The following REL variants were observed in gnomAD, a reference collection of about 807,000 sequenced individuals.
The protein encoded by REL is proto-oncogene c-Rel.
A neutral mutation model predicts 45.9 loss-of-function variants in REL; 15 were observed. The ratio of observed to expected loss-of-function variants is 0.33; its 90% CI spans 0.22 to 0.50. The LOEUF (loss-of-function observed/expected upper bound fraction) is 0.50. Among genes scored for constraint, REL ranks in the 20% least tolerant of loss-of-function variants. The pLI is 0.98. For missense variants in REL, 601 were observed against 715.2 expected, an observed-to-expected ratio of 0.84 and a Z score of 1.82; for synonymous variants, 239 against 242.1, an observed-to-expected ratio of 0.99 and a Z score of 0.12.
chr2:60,911,319 A>T (rs1010803139), intron 4 of REL: 1 of 152,266 alleles, frequency 6.6e-6, no homozygotes, highest in African/African-American at 2.4e-5. Flanking sequence ...GTGCATTGGC[A>T]GTATAGCCAA....
rs1293228954 is a variant in REL, at chr2:60,930,630, T to C, written c.*8095T>C. ...TCATGTCTGTAATGTTTTTCATGCA[T>C]GCAAAAAGCACAGACAAAACCACTC... On this transcript the variant is annotated 3_prime_UTR_variant, in exon 10 of 10. Coordinates refer to ENST00000394479, the MANE Select transcript of REL (RefSeq NM_001291746.2). 1.3e-5 allele frequency: 2 copies of C among 152,188 alleles called. No individual in the cohort carries two copies. The highest frequency in any genetic ancestry group is 4.8e-5 in the African/African-American group (2 of 41,442). 9.4% of individuals were successfully genotyped at this position (152,188 alleles called of 1,614,324 possible).
chr2:60,906,962 C>G (rs1673678918), intron 4 of REL, among the ~76,000 whole-genome samples: 1 of 147,798 alleles, frequency 6.8e-6, no homozygotes, highest in African/African-American at 2.5e-5. Context: ...TCTTGTTGCC[C>G]AGGCTGGAGT....
At chr2:60,910,481 A>G (rs907303676) in intron 4 of REL, among the ~76,000 whole-genome samples, 4 of 6,156 alleles carry the variant, frequency 6.5e-4, no homozygotes, top group African/African-American at 3.1e-3. Flanking sequence ...AAAACAAAAA[A>G]CAAAAAAAAA....
rs1326449959 is a variant in REL at position 60,920,289 on chromosome 2, C to T, written c.922+180C>T. On this transcript the variant is annotated intron_variant, in intron 8 of 9. Transcript: ENST00000394479. ...CAATCTCAACTCACTGCAACCTCTG[C>T]CCCCCAGGTTCAACAATTCTCCTGC... The T allele has an allele frequency of 9.6e-6, 6 of 622,700 alleles. No homozygotes were observed. In the Admixed American group the frequency reaches 1.5e-4, roughly 16 times the overall value. The allele number at this position is 622,700 out of a possible 1,614,324, so 38.6% of individuals were successfully genotyped here. A position where few individuals can be genotyped will look rare whatever the true frequency, so the allele number is the denominator to read the frequency against.
chr2:60,884,827 T>A (rs1319394651), intron 1 of REL, among the ~76,000 whole-genome samples: 1 of 152,170 alleles, frequency 6.6e-6, no homozygotes, highest in Non-Finnish European at 1.5e-5. Flanking sequence ...ACCAACTATT[T>A]GTAGTGTGAA....
rs1344726631 is a variant in REL, at chr2:60,898,532, C to T, written c.303-2460C>T. 2.0e-5 allele frequency among the ~76,000 whole-genome samples: 3 copies of T among 152,182 alleles called. No individual in the cohort carries two copies. The East Asian group carries it at 5.8e-4, about 29-fold the overall frequency. On this transcript the variant is annotated intron_variant, in intron 3 of 9. Transcript: ENST00000394479. The stretch of plus-strand genomic sequence containing the variant: ...CCCATAACATCATGTATACCTCCTT[C>T]ATAAAACTTGTTATGATTGCAGTTT...
chr2:60,900,915 G>A, intron 3 of REL, 77 bp from the exon 4 acceptor site: 1 of 1,197,374 alleles, frequency 8.4e-7, no homozygotes, highest in Non-Finnish European at 1.2e-6. Context: ...GATAACTTCA[G>A]TATTGCTATA....
At chr2:60,888,389 C>A (rs1673122347) in intron 1 of REL, among the ~76,000 whole-genome samples, 1 of 151,966 alleles carries the variant, frequency 6.6e-6, no homozygotes, top group African/African-American at 2.4e-5. Flanking sequence ...GCCTTTACTT[C>A]AGCCACATAA....
chr2:60,909,657 C>G (rs990147300), intron 4 of REL, among the ~76,000 whole-genome samples: 2 of 152,168 alleles, frequency 1.3e-5, no homozygotes, highest in Admixed American at 1.3e-4. Context: ...AATCCCAGCA[C>G]TTTGGGAGGC....
At chr2:60,898,127 A>G (rs1186891086) in intron 3 of REL, among the ~76,000 whole-genome samples, 1 of 152,168 alleles carries the variant, frequency 6.6e-6, no homozygotes, top group Non-Finnish European at 1.5e-5. Flanking sequence ...ACTATAGCCT[A>G]AACTGGGGCT....
chr2:60,922,240 C>G lies in REL; in HGVS notation c.1469C>G (p.Pro490Arg). 2 of 1,614,100 alleles carry G rather than the reference C, an allele frequency of 1.2e-6. No homozygotes were observed. The highest frequency in any genetic ancestry group is 1.7e-6 in the Non-Finnish European group (2 of 1,180,030). The change falls in exon 10 of 10, where the codon CCC (proline) becomes CGC (arginine). Residue 490 changes from proline to arginine, a missense_variant. Around this residue, in one of 4 missense-constraint regions of REL, gnomAD observed 334 missense variants for 333.1 expected, o/e 1.00. Coordinates refer to ENST00000394479, the MANE Select transcript of REL (RefSeq NM_001291746.2). The stretch of plus-strand genomic sequence containing the variant: ...CTTCTGAGCATGAATCTTGAAAACC[C>G]CTCATGTAATTCAGTGTTAGACCCA... The part of the protein sequence containing the change: ...PRLLSMNLEN[P>R]SCNSVLDPRD...
In REL at chr2:60,922,504, A is replaced by G; in HGVS notation, c.1733A>G (p.Asp578Gly). 1 of 1,603,242 alleles carries G rather than the reference A, an allele frequency of 6.2e-7. No homozygotes were observed. Among genetic ancestry groups the G allele is most frequent in the Non-Finnish European group, 8.5e-7 (1 of 1,174,862 alleles). The part of the protein sequence containing the change: ...IGSMQNEQLS[D>G]SFPYEFFQV ...AGTATGCAAAATGAGCAATTGAGTGACTCCTTTCCATATGAATTTTTTCAA... is the reference window on the plus strand; with the variant it reads ...AGTATGCAAAATGAGCAATTGAGTGGCTCCTTTCCATATGAATTTTTTCAA... Residue 578 changes from aspartate (D) to glycine (G), a missense_variant, in exon 10 of 10, where the codon GAC becomes GGC. Asp to Gly is a moderately conservative substitution (Grantham distance 94). Transcript: ENST00000394479.
chr2:60,920,128 G>A lies in REL; in HGVS notation c.922+19G>A, dbSNP rs1362784715. The stretch of plus-strand genomic sequence containing the variant: ...GATCACGGTAAGAATAGTTTGGATC[G>A]ATTCATATTTAAATAGGTTTTGTTT... On this transcript the variant is annotated intron_variant, in intron 8 of 9. Transcript: ENST00000394479. 7.2e-6 allele frequency: 11 copies of A among 1,530,672 alleles called. No homozygotes were observed. The highest frequency in any genetic ancestry group is 2.8e-5 in the African/African-American group (2 of 72,096). The allele number at this position is 1,530,672 out of a possible 1,614,324, so 94.8% of individuals were successfully genotyped here. A position where few individuals can be genotyped will look rare whatever the true frequency, so the allele number is the denominator to read the frequency against.
rs1021500031 is a variant in REL, at chr2:60,930,300, C to G, written c.*7765C>G. ...TAATTTAGATACTCCTTCTAGTTATCTAATACACAGCAGAGTGAGAAAAAT... is the reference window on the plus strand; with the variant it reads ...TAATTTAGATACTCCTTCTAGTTATGTAATACACAGCAGAGTGAGAAAAAT... On this transcript the variant is annotated 3_prime_UTR_variant, in exon 10 of 10. Transcript: ENST00000394479. The G allele has an allele frequency of 3.3e-4, 51 of 152,446 alleles. No individual in the cohort carries two copies. Among genetic ancestry groups the G allele is most frequent in the African/African-American group, 1.2e-3 (50 of 41,576 alleles). 9.4% of individuals were successfully genotyped at this position (152,446 alleles called of 1,614,324 possible). A position where few individuals can be genotyped will look rare whatever the true frequency, so the allele number is the denominator to read the frequency against.
chr2:60,917,025 C>T lies in REL; in HGVS notation c.535+8C>T. 6.2e-7 allele frequency: 1 copy of T among 1,600,460 alleles called. No homozygotes were observed. The highest frequency in any genetic ancestry group is 1.7e-5 in the Admixed American group (1 of 57,576). On this transcript the variant is annotated splice_region_variant and intron_variant, in intron 5 of 9. Transcript: ENST00000394479. ...ACCCAATTTATGACAACCGTAAGTA[C>T]TTCATTTTCTTATATTTGTAGTCTT...
intron 9 of REL, among the ~76,000 whole-genome samples, 164 bp from the exon 10 acceptor site, chr2:60,921,599 G>A (rs1213319051): frequency 4.6e-5 from 7 of 152,070 alleles, no homozygotes; most frequent in Non-Finnish European, 8.8e-5. Flanking sequence ...TTGGATTCGT[G>A]TAATAATTTT....
chr2:60,907,302 A>T (rs1056711923), intron 4 of REL, among the ~76,000 whole-genome samples: 4 of 152,020 alleles, frequency 2.6e-5, no homozygotes, highest in African/African-American at 9.7e-5. Flanking sequence ...ATTCTGGAGG[A>T]TGAGGACTGT....
chr2:60,901,257 G>A (rs1488668162), intron 4 of REL, among the ~76,000 whole-genome samples, 174 bp downstream of exon 4: 1 of 144,692 alleles, frequency 6.9e-6, no homozygotes, highest in Non-Finnish European at 1.5e-5. Context: ...CCAGGTTCAA[G>A]CAATTCTCCT....
At chr2:60,885,654 A>C (rs1558784116) in intron 1 of REL, among the ~76,000 whole-genome samples, 1 of 152,208 alleles carries the variant, frequency 6.6e-6, no homozygotes. Context: ...TTGAGGAAAA[A>C]AATAATAGAT....
Sources: allele counts gnomAD v4.1 joint callset (sites outside exome capture counted in the v4.1 genomes callset), GRCh38; gene constraint gnomAD v4.1.1; regional missense constraint gnomAD v4.1.1; transcripts MANE v1.5; gene names NCBI Gene and HGNC (gene_info 2026-07-23, HGNC 2026-07-21).